IPO11: variants seen among roughly 807,000 people sequenced by gnomAD.
IPO11 encodes importin-11.
IPO11 carries 66 observed loss-of-function variants against 143.2 expected under a neutral mutation model. The ratio of observed to expected loss-of-function variants is 0.46; its 90% CI spans 0.38 to 0.57. IPO11 has a LOEUF of 0.57. Among genes scored for constraint, IPO11 ranks in the 20% least tolerant of loss-of-function variants. The pLI is 0.00. For synonymous variants in IPO11, 385 were observed against 377.8 expected (o/e 1.02, Z -0.22); for missense variants, 1,026 against 1,141.0 (o/e 0.90, Z 1.45).
chr5:62,415,764 G>A lies in IPO11; in HGVS notation c.-7+2835G>A, dbSNP rs1194666334. 6.6e-5 allele frequency among the ~76,000 whole-genome samples: 10 copies of A among 152,020 alleles called. 1 individual carries two copies. Among genetic ancestry groups the A allele is most frequent in the South Asian group, 6.2e-4 (3 of 4,830 alleles). ...ATTACAGGCTTGAGCCACCACGCCC[G>A]GCCCCCTCTTTACTCTTTACTGGAT... On this transcript the variant is annotated intron_variant, in intron 1 of 29. Coordinates refer to ENST00000325324, the MANE Select transcript of IPO11 (RefSeq NM_016338.5).
chr5:62,513,463 G>A (rs1741866124), intron 19 of IPO11, among the ~76,000 whole-genome samples: 1 of 129,796 alleles, frequency 7.7e-6, no homozygotes, highest in Non-Finnish European at 1.6e-5. Flanking sequence ...GGGCAGAGGG[G>A]CTCCTCACTT....
At chr5:62,579,921 A>C in intron 27 of IPO11, 4 of 1,551,304 alleles carry the variant, frequency 2.6e-6, no homozygotes, top group Non-Finnish European at 3.5e-6. Context: ...TTCAGTACTT[A>C]AATCTACAAA....
At chr5:62,451,100 TG>T (rs2112160523) in intron 4 of IPO11, among the ~76,000 whole-genome samples, 1 of 152,288 alleles carries the variant, frequency 6.6e-6, no homozygotes, top group Non-Finnish European at 1.5e-5. Flanking sequence ...AGCTAGCATT[TG>T]GGAAACACTG....
chr5:62,442,873 CA>C lies in IPO11; in HGVS notation c.139-106del, dbSNP rs1580183831. On this transcript the variant is annotated intron_variant, in intron 2 of 29. Coordinates refer to ENST00000325324, the MANE Select transcript of IPO11 (RefSeq NM_016338.5). ...GAGTGAAACTGTCTCAAAAACAAAA[CA>C]AAACAAAACAAAACAAAACAAAGAT... 15 of 631,132 alleles carry C rather than the reference CA, an allele frequency of 2.4e-5. No homozygotes were observed. The East Asian group carries it at 4.9e-4, about 21-fold the overall frequency. The allele number at this position is 631,132 out of a possible 1,614,324, so 39.1% of individuals were successfully genotyped here.
chr5:62,456,298 C>T (rs1053352004), intron 5 of IPO11, among the ~76,000 whole-genome samples: 20 of 151,984 alleles, frequency 1.3e-4, no homozygotes, highest in African/African-American at 3.6e-4. Context: ...CCACCATGCT[C>T]GGCCAGGAAT....
intron 29 of IPO11, among the ~76,000 whole-genome samples, chr5:62,619,886 A>G (rs1408161113): frequency 6.6e-6 from 1 of 151,976 alleles, no homozygotes; most frequent in Non-Finnish European, 1.5e-5. Context: ...GCACAAACAT[A>G]CCACTGGATA....
chr5:62,444,097 CTTTT>C (rs533439906), intron 3 of IPO11, among the ~76,000 whole-genome samples: 4 of 139,196 alleles, frequency 2.9e-5, no homozygotes, highest in Non-Finnish European at 3.1e-5. Flanking sequence ...ATGTCTTTTT[CTTTT>C]TTTTTTTTTT....
At chr5:62,513,545 G>C (rs1168734243) in intron 19 of IPO11, among the ~76,000 whole-genome samples, 81 of 109,258 alleles carry the variant, frequency 7.4e-4, no homozygotes, top group Middle Eastern at 8.3e-3. Context: ...GGGGGGCTGA[G>C]CCCCCCACCT....
chr5:62,499,559 C>G (rs1312013824), intron 16 of IPO11, among the ~76,000 whole-genome samples: 1 of 142,202 alleles, frequency 7.0e-6, no homozygotes, highest in Admixed American at 7.3e-5. Flanking sequence ...TTAACCACAT[C>G]TTACTCTAAC....
chr5:62,621,432 A>C, intron 29 of IPO11, among the ~76,000 whole-genome samples: 1 of 152,202 alleles, frequency 6.6e-6, no homozygotes, highest in Non-Finnish European at 1.5e-5. Flanking sequence ...AGGAGAGGCC[A>C]GGCTCCTCCC....
At chr5:62,611,218 T>C (rs1745917192) in intron 29 of IPO11, among the ~76,000 whole-genome samples, 1 of 152,172 alleles carries the variant, frequency 6.6e-6, no homozygotes, top group African/African-American at 2.4e-5. Flanking sequence ...TGGTCATGGG[T>C]AATTCAGGTC....
chr5:62,513,260 G>T (rs1401241497), intron 19 of IPO11, among the ~76,000 whole-genome samples: 2 of 151,672 alleles, frequency 1.3e-5, no homozygotes, highest in Middle Eastern at 6.4e-3. Flanking sequence ...GCCGGGCGGG[G>T]GGCTGACCCC....
At chr5:62,544,082 A>C (rs1743062077) in intron 24 of IPO11, among the ~76,000 whole-genome samples, 1 of 152,132 alleles carries the variant, frequency 6.6e-6, no homozygotes, top group Non-Finnish European at 1.5e-5. Flanking sequence ...AAAAAGAGGG[A>C]ATCCTCCCTA....
At chr5:62,484,209 A>T (rs1375287115) in intron 11 of IPO11, 47 bp downstream of exon 11, 1 of 1,484,860 alleles carries the variant, frequency 6.7e-7, no homozygotes, top group Non-Finnish European at 9.1e-7. Context: ...TCCCCTTTCT[A>T]TAAATATCTG....
At chr5:62,594,193 A>G (rs1281753011) in intron 28 of IPO11, among the ~76,000 whole-genome samples, 1 of 152,198 alleles carries the variant, frequency 6.6e-6, no homozygotes, top group Non-Finnish European at 1.5e-5. Context: ...AAAAATATGT[A>G]TATATAAAGA....
At chr5:62,494,694 G>A (rs901536965) in intron 16 of IPO11, among the ~76,000 whole-genome samples, 20 of 152,098 alleles carry the variant, frequency 1.3e-4, no homozygotes, top group South Asian at 4.1e-4. Context: ...TTTTACAGGC[G>A]TATGATTTTA....
chr5:62,549,327 C>T (rs2112346170), intron 24 of IPO11, among the ~76,000 whole-genome samples: 1 of 152,200 alleles, frequency 6.6e-6, no homozygotes, highest in South Asian at 2.1e-4. Context: ...TGTTATCAAC[C>T]ATGGATGCTA....
Position 62,491,940 on chromosome 5 carries a change from A to T in IPO11, c.1463+1720A>T, listed in dbSNP as rs192335188. Reference sequence around the variant, plus strand: ...CCGCCTTGGCCTCCCAAAGAATAAGATTTTGTTTCTTTTCTCTTATAATGT... The same window carrying T: ...CCGCCTTGGCCTCCCAAAGAATAAGTTTTTGTTTCTTTTCTCTTATAATGT... On this transcript the variant is annotated intron_variant, in intron 15 of 29. Transcript: ENST00000325324. Among the ~76,000 whole-genome samples, 6 of 152,092 alleles carry T rather than the reference A, an allele frequency of 3.9e-5. No homozygotes were observed. In the South Asian group the frequency reaches 6.2e-4, roughly 16 times the overall value.
At chr5:62,474,019 G>A (rs1191278503) in intron 7 of IPO11, among the ~76,000 whole-genome samples, 1 of 152,136 alleles carries the variant, frequency 6.6e-6, no homozygotes, top group East Asian at 1.9e-4. Flanking sequence ...CAAAGTTCTG[G>A]CTCTCAAGGA....
Sources: allele counts gnomAD v4.1 joint callset (sites outside exome capture counted in the v4.1 genomes callset), GRCh38; gene constraint gnomAD v4.1.1; transcripts MANE v1.5; gene names NCBI Gene and HGNC (gene_info 2026-07-23, HGNC 2026-07-21).